The following DYNC1I1 variants were observed in gnomAD, a reference collection of about 807,000 sequenced individuals.
The protein encoded by DYNC1I1 is dynein cytoplasmic 1 intermediate chain 1.
DYNC1I1 carries 43 observed loss-of-function variants against 86.6 expected under a neutral mutation model. That is an observed-to-expected ratio of 0.50 (90% CI 0.39 to 0.64). The LOEUF is 0.64. Ranked by LOEUF, DYNC1I1 falls within the 30% of genes least tolerant of loss-of-function variation. DYNC1I1 has a pLI of 0.00. For missense variants in DYNC1I1, 604 were observed against 788.8 expected (o/e 0.77, Z 2.81); for synonymous variants, 262 against 283.7 (o/e 0.92, Z 0.77).
rs3757697 is a variant in DYNC1I1, at chr7:95,869,922, A to G, written c.414A>G (p.Gln138=). 176,934 of 1,613,600 alleles carry G rather than the reference A, an allele frequency of 0.11. 10,357 individuals carry two copies. The highest frequency in any genetic ancestry group is 0.2 in the South Asian group (17,774 of 90,932). Residue 138 remains glutamine (Q), a synonymous_variant, in exon 6 of 17, where the codon CAA becomes CAG. Coordinates refer to ENST00000447467, the MANE Select transcript of DYNC1I1 (RefSeq NM_001135556.2). The part of the protein sequence containing the change: ...LHKLGVSKVT[Q]VDFLPREVVS... ...AACTGGGCGTGTCAAAGGTCACCCA[A>G]GTGGATTTCCTGCCAAGGGAAGTAG...
intron 6 of DYNC1I1, among the ~76,000 whole-genome samples, chr7:95,953,676 T>C (rs932414952): frequency 3.3e-5 from 5 of 152,216 alleles, no homozygotes; most frequent in African/African-American, 1.2e-4. Flanking sequence ...TGAATTCATG[T>C]TAGCAGCGTG....
chr7:96,037,028 A>G (rs905493965), intron 13 of DYNC1I1, among the ~76,000 whole-genome samples: 2 of 152,192 alleles, frequency 1.3e-5, no homozygotes, highest in African/African-American at 4.8e-5. Flanking sequence ...AGAACCACAA[A>G]TTGTTCCAAG....
intron 6 of DYNC1I1, among the ~76,000 whole-genome samples, chr7:95,936,985 C>CACACACACAT (rs1181635620): frequency 6.6e-6 from 1 of 151,738 alleles, no homozygotes; most frequent in African/African-American, 2.4e-5. Flanking sequence ...CACACACACA[C>CACACACACAT]ACACAAATAC....
chr7:95,804,680 T>C, intron 1 of DYNC1I1, 41 bp from the exon 2 acceptor site: 1 of 1,504,108 alleles, frequency 6.6e-7, no homozygotes, highest in Non-Finnish European at 8.9e-7. Context: ...ACAGAAAAGT[T>C]ATTTATATAT....
chr7:96,085,366 T>C (rs1030480056), intron 16 of DYNC1I1, among the ~76,000 whole-genome samples: 1 of 148,702 alleles, frequency 6.7e-6, no homozygotes, highest in South Asian at 2.1e-4. Flanking sequence ...TCCATCTCCC[T>C]TTTTTTTTTC....
chr7:95,888,865 G>A (rs1460285430), intron 6 of DYNC1I1, among the ~76,000 whole-genome samples: 1 of 152,148 alleles, frequency 6.6e-6, no homozygotes, highest in Non-Finnish European at 1.5e-5. Context: ...ATTCTAGAAT[G>A]TAAGAGGAAA....
At position 95,809,718 on chromosome 7, in the gene DYNC1I1, A is replaced by G. The variant is rs992709103; in HGVS notation, c.109-674A>G. Reference sequence around the variant, plus strand: ...ATGTGTTTTTAGACAGAATTTGTGAAAGGAATTTCTTGTAAATGTTTTGTT... The same window carrying G: ...ATGTGTTTTTAGACAGAATTTGTGAGAGGAATTTCTTGTAAATGTTTTGTT... On this transcript the variant is annotated intron_variant, in intron 2 of 16. Transcript: ENST00000447467. Among the ~76,000 whole-genome samples, 4 of 152,176 alleles carry G rather than the reference A, an allele frequency of 2.6e-5. No homozygotes were observed. The East Asian group carries it at 5.8e-4, about 22-fold the overall frequency.
intron 9 of DYNC1I1, among the ~76,000 whole-genome samples, chr7:95,987,714 C>T (rs1793631434): frequency 1.3e-5 from 2 of 152,168 alleles, no homozygotes; most frequent in South Asian, 4.1e-4. Context: ...ATATCTCCCG[C>T]CCAATCTCCC....
intron 16 of DYNC1I1, among the ~76,000 whole-genome samples, chr7:96,084,887 T>G (rs79581025): frequency 0.015 from 2,219 of 152,226 alleles, 68 homozygotes; most frequent in African/African-American, 0.05. Context: ...GAAAATATAT[T>G]AATAATATAA....
At chr7:96,019,926 G>C (rs1178464140) in intron 10 of DYNC1I1, among the ~76,000 whole-genome samples, 1 of 151,998 alleles carries the variant, frequency 6.6e-6, no homozygotes, top group Non-Finnish European at 1.5e-5. Context: ...TTGTTTATCT[G>C]TCTTTAAACT....
At position 95,977,520 on chromosome 7, in the gene DYNC1I1, G is replaced by A. The variant is rs2115633482; in HGVS notation, c.499G>A (p.Glu167Lys). 1 of 1,612,706 alleles carries A rather than the reference G, an allele frequency of 6.2e-7. No homozygotes were observed. The highest frequency in any genetic ancestry group is 8.5e-7 in the Non-Finnish European group (1 of 1,179,508). ...LATHQSEEDE[E>K]DEEMVESKVG... ...CTCTTTCTTTTTTCTAGAGGATGAG[G>A]AAGATGAGGAAATGGTGGAATCTAA... The change falls in exon 7 of 17, where the codon GAA (glutamate) becomes AAA (lysine). Residue 167 changes from glutamate to lysine, a missense_variant. Transcript: ENST00000447467.
intron 6 of DYNC1I1, among the ~76,000 whole-genome samples, chr7:95,894,976 A>G (rs1471946051): frequency 6.6e-6 from 1 of 152,162 alleles, no homozygotes; most frequent in East Asian, 1.9e-4. Flanking sequence ...CTGTTGACCA[A>G]TGCCGGCTGC....
chr7:96,048,953 A>G (rs1050995337), intron 14 of DYNC1I1, among the ~76,000 whole-genome samples: 4 of 152,176 alleles, frequency 2.6e-5, no homozygotes, highest in African/African-American at 9.7e-5. Context: ...GGAAGCAATC[A>G]CATCTCTTAA....
At chr7:96,047,474 A>G (rs1789253343) in intron 14 of DYNC1I1, among the ~76,000 whole-genome samples, 1 of 152,256 alleles carries the variant, frequency 6.6e-6, no homozygotes, top group Non-Finnish European at 1.5e-5. Flanking sequence ...TGCTCAATAA[A>G]GAATGTGATA....
At position 95,921,195 on chromosome 7, in the gene DYNC1I1, G is replaced by A. The variant is rs114742122; in HGVS notation, c.490+51197G>A. Among the ~76,000 whole-genome samples, 683 of 152,116 alleles carry A rather than the reference G, an allele frequency of 4.5e-3. 4 individuals carry two copies. Among genetic ancestry groups the A allele is most frequent in the African/African-American group, 0.016 (659 of 41,504 alleles). ...TATATTTCCTTTGAGGTGAAAAAAC[G>A]ACTTTTCCATCCAAAAACTGGAACT... On this transcript the variant is annotated intron_variant, in intron 6 of 16. Coordinates refer to ENST00000447467, the MANE Select transcript of DYNC1I1 (RefSeq NM_001135556.2).
chr7:95,938,017 T>A (rs1250418384), intron 6 of DYNC1I1, among the ~76,000 whole-genome samples: 1 of 152,122 alleles, frequency 6.6e-6, no homozygotes, highest in African/African-American at 2.4e-5. Context: ...GTTTTACTTA[T>A]TACTTGGGCC....
intron 9 of DYNC1I1, among the ~76,000 whole-genome samples, chr7:95,989,556 G>C (rs73397049): frequency 6.6e-6 from 1 of 152,156 alleles, no homozygotes; most frequent in Non-Finnish European, 1.5e-5. Flanking sequence ...CCTTGTTCCC[G>C]GGTCAGCTGA....
intron 5 of DYNC1I1, among the ~76,000 whole-genome samples, chr7:95,852,500 A>C (rs1374786557): frequency 2.0e-5 from 3 of 151,190 alleles, no homozygotes; most frequent in East Asian, 1.9e-4. Flanking sequence ...TTTCTTCTCT[A>C]ATTTATTTAT....
intron 6 of DYNC1I1, among the ~76,000 whole-genome samples, chr7:95,957,198 A>C (rs1417154864): frequency 1.3e-5 from 2 of 152,234 alleles, no homozygotes; most frequent in African/African-American, 4.8e-5. Flanking sequence ...TATTACTACC[A>C]GAAATTCCCC....
Sources: allele counts gnomAD v4.1 joint callset (sites outside exome capture counted in the v4.1 genomes callset), GRCh38; gene constraint gnomAD v4.1.1; transcripts MANE v1.5; gene names NCBI Gene and HGNC (gene_info 2026-07-23, HGNC 2026-07-21).